Variants in WWOX observed in about 807,000 individuals in gnomAD.
The protein encoded by WWOX is WW domain-containing oxidoreductase.
WWOX carries 69 observed loss-of-function variants against 46.2 expected under a neutral mutation model. That is an observed-to-expected ratio of 1.49 (90% CI 1.23 to 1.82). The LOEUF is 1.82. WWOX is among the 40% of genes most tolerant of loss of function. The probability of loss-of-function intolerance (pLI) is 0.00; values close to 1 mark genes in which losing one functional copy is unlikely to be tolerated. For synonymous variants in WWOX, 359 were observed against 202.6 expected, an observed-to-expected ratio of 1.77 and a Z score of -6.56; for missense variants, 919 against 542.6, an observed-to-expected ratio of 1.69 and a Z score of -6.89.
In WWOX at chr16:78,959,503, C is replaced by G. The variant is rs115381553; in HGVS notation, c.1057-252105C>G. On this transcript the variant is annotated intron_variant, in intron 8 of 8. Transcript: ENST00000566780. ...GCCATCCATCTATCTGTCCATCCATCTATTCACTCATGCATTCATCCACCT... is the reference window on the plus strand; with the variant it reads ...GCCATCCATCTATCTGTCCATCCATGTATTCACTCATGCATTCATCCACCT... Among the ~76,000 whole-genome samples, 935 of 152,334 alleles carry G rather than the reference C, an allele frequency of 6.1e-3. 8 individuals are homozygous for G. The highest frequency in any genetic ancestry group is 0.022 in the African/African-American group (899 of 41,584).
chr16:78,593,003 T>A (rs750472564), intron 8 of WWOX, among the ~76,000 whole-genome samples: 4 of 152,188 alleles, frequency 2.6e-5, no homozygotes, highest in Non-Finnish European at 4.4e-5. Context: ...CACAGATAGC[T>A]GCCAGGGAGG....
chr16:79,107,197 TC>T (rs1421444600), intron 8 of WWOX, among the ~76,000 whole-genome samples: 16 of 152,086 alleles, frequency 1.1e-4, no homozygotes, highest in Non-Finnish European at 1.5e-4. Flanking sequence ...CTTCTCCGCC[TC>T]CCAAAGTGCT....
At chr16:78,118,208 CATTT>C (rs2032908554) in intron 4 of WWOX, among the ~76,000 whole-genome samples, 1 of 151,852 alleles carries the variant, frequency 6.6e-6, no homozygotes, top group East Asian at 1.9e-4. Context: ...GTCTTGTCAT[CATTT>C]TCCTCTCTGC....
chr16:78,908,777 G>C (rs566793255), intron 8 of WWOX, among the ~76,000 whole-genome samples: 1 of 152,074 alleles, frequency 6.6e-6, no homozygotes, highest in African/African-American at 2.4e-5. Flanking sequence ...AAGACCATAT[G>C]AGTCAATTTA....
intron 8 of WWOX, among the ~76,000 whole-genome samples, chr16:79,103,871 C>T (rs528276374): frequency 4.6e-5 from 7 of 152,242 alleles, no homozygotes; most frequent in African/African-American, 1.2e-4. Context: ...TAGATACACT[C>T]TGTAGGACAA....
At chr16:78,995,004 C>G (rs904117018) in intron 8 of WWOX, among the ~76,000 whole-genome samples, 2 of 138,224 alleles carry the variant, frequency 1.4e-5, no homozygotes, top group Non-Finnish European at 3.0e-5. Flanking sequence ...TCCTCCCAGC[C>G]TCTCTCCTTT....
chr16:78,600,181 C>T (rs1359104639), intron 8 of WWOX, among the ~76,000 whole-genome samples: 1 of 152,176 alleles, frequency 6.6e-6, no homozygotes, highest in South Asian at 2.1e-4. Flanking sequence ...AAAGACTTGC[C>T]CTCATGATTC....
chr16:78,468,662 A>G (rs1196180626), intron 8 of WWOX, among the ~76,000 whole-genome samples: 6 of 152,178 alleles, frequency 3.9e-5, no homozygotes, highest in South Asian at 2.1e-4. Context: ...TAACTAGTTC[A>G]TGGACCTAGC....
At chr16:78,912,812 G>T (rs1426972244) in intron 8 of WWOX, among the ~76,000 whole-genome samples, 3 of 152,000 alleles carry the variant, frequency 2.0e-5, no homozygotes, top group Non-Finnish European at 4.4e-5. Flanking sequence ...GAGAGAGGAA[G>T]ATATACAAGG....
intron 8 of WWOX, among the ~76,000 whole-genome samples, chr16:79,107,997 C>A (rs1421298722): frequency 1.3e-5 from 2 of 152,172 alleles, no homozygotes; most frequent in African/African-American, 4.8e-5. Flanking sequence ...TATTCCTATT[C>A]AGCATATGTA....
chr16:78,138,900 T>C (rs1437494373), intron 4 of WWOX, among the ~76,000 whole-genome samples: 2 of 152,162 alleles, frequency 1.3e-5, no homozygotes, highest in African/African-American at 4.8e-5. Flanking sequence ...CTCAAAGATG[T>C]TCCCCCCATG....
chr16:78,371,494 T>C (rs980108637), intron 5 of WWOX, among the ~76,000 whole-genome samples: 1 of 151,876 alleles, frequency 6.6e-6, no homozygotes, highest in Non-Finnish European at 1.5e-5. Flanking sequence ...TTTAATGGTC[T>C]GTTGACCATT....
intron 5 of WWOX, among the ~76,000 whole-genome samples, chr16:78,331,785 G>A (rs1044103933): frequency 1.3e-5 from 2 of 152,164 alleles, no homozygotes; most frequent in African/African-American, 4.8e-5. Context: ...TGCCAGTTGT[G>A]TGCCTGCTTT....
At chr16:78,814,647 C>T (rs1208171631) in intron 8 of WWOX, among the ~76,000 whole-genome samples, 1 of 152,178 alleles carries the variant, frequency 6.6e-6, no homozygotes, top group Non-Finnish European at 1.5e-5. Context: ...GAATCATGCA[C>T]CTTAGACCTG....
intron 8 of WWOX, among the ~76,000 whole-genome samples, chr16:79,178,861 A>C (rs2050854474): frequency 6.6e-6 from 1 of 152,216 alleles, no homozygotes; most frequent in African/African-American, 2.4e-5. Flanking sequence ...TATATCTTGA[A>C]GTACTTCACT....
intron 8 of WWOX, among the ~76,000 whole-genome samples, chr16:79,078,949 T>G (rs1054226889): frequency 6.6e-6 from 1 of 152,226 alleles, no homozygotes; most frequent in African/African-American, 2.4e-5. Flanking sequence ...CAAAGATGAT[T>G]GGCCCTGAAG....
At chr16:78,614,234 G>A (rs1281642044) in intron 8 of WWOX, among the ~76,000 whole-genome samples, 1 of 152,212 alleles carries the variant, frequency 6.6e-6, no homozygotes, top group African/African-American at 2.4e-5. Flanking sequence ...TGTGTTGACA[G>A]CCTTTTGGGT....
chr16:78,931,881 A>T (rs987332613), intron 8 of WWOX, among the ~76,000 whole-genome samples: 1 of 152,184 alleles, frequency 6.6e-6, no homozygotes, highest in Non-Finnish European at 1.5e-5. Context: ...TAATTGGATC[A>T]TGGGGGTGGG....
rs549568820 is a variant in WWOX, at chr16:78,746,955, G to C, written c.1056+314203G>C. Among the ~76,000 whole-genome samples, 28 of 152,152 alleles carry C rather than the reference G, an allele frequency of 1.8e-4. No individual in the cohort carries two copies. In the South Asian group the frequency reaches 5.8e-3, roughly 32 times the overall value. ...CCCTAGTGGCTTCCTATACCATTTA[G>C]AATAAAAATACACGCTCTTTTCCAG... On this transcript the variant is annotated intron_variant, in intron 8 of 8. Transcript: ENST00000566780.
Sources: allele counts gnomAD v4.1 joint callset (sites outside exome capture counted in the v4.1 genomes callset), GRCh38; gene constraint gnomAD v4.1.1; transcripts MANE v1.5; gene names NCBI Gene and HGNC (gene_info 2026-07-23, HGNC 2026-07-21).